The following SLC4A7 variants were observed in gnomAD, a reference collection of about 807,000 sequenced individuals.
SLC4A7 encodes sodium bicarbonate cotransporter 3.
A neutral mutation model predicts 137.6 loss-of-function variants in SLC4A7; 51 were observed. That is an observed-to-expected ratio of 0.37 (90% CI 0.30 to 0.47). SLC4A7 has a LOEUF of 0.47. Ranked by LOEUF, SLC4A7 falls within the 20% of genes least tolerant of loss-of-function variation. SLC4A7 has a pLI of 1.00. For synonymous variants in SLC4A7, 542 were observed against 518.6 expected, an observed-to-expected ratio of 1.05 and a Z score of -0.61; for missense variants, 1,247 against 1,525.4, an observed-to-expected ratio of 0.82 and a Z score of 3.04.
At chr3:27,477,732 A>T (rs551208328) in intron 1 of SLC4A7, among the ~76,000 whole-genome samples, 1 of 152,168 alleles carries the variant, frequency 6.6e-6, no homozygotes, top group Admixed American at 6.5e-5. Context: ...ATCCTGCCTC[A>T]GCCTCCCAAG....
At chr3:27,412,859 T>C (rs2150230594) in intron 11 of SLC4A7, among the ~76,000 whole-genome samples, 1 of 151,738 alleles carries the variant, frequency 6.6e-6, no homozygotes, top group Admixed American at 6.6e-5. Context: ...AATTAAGCAA[T>C]TATATTAAGA....
intron 5 of SLC4A7, among the ~76,000 whole-genome samples, chr3:27,435,854 A>T (rs1159926845): frequency 6.7e-6 from 1 of 149,114 alleles, no homozygotes; most frequent in Non-Finnish European, 1.5e-5. Flanking sequence ...TCCCCCCCTT[A>T]AAAAAAAAAT....
intron 1 of SLC4A7, among the ~76,000 whole-genome samples, chr3:27,455,406 G>A (rs1425075649): frequency 3.3e-5 from 5 of 152,166 alleles, no homozygotes; most frequent in East Asian, 3.9e-4. Context: ...TTTGTATTAA[G>A]TAAAAAGCCG....
Position 27,436,561 on chromosome 3 carries a change from T to C in SLC4A7, c.429-13A>G, listed in dbSNP as rs2056752613. ...AAATTTCAGCCATCTGAATGCATAA[T>C]GTATAAAAATATTTTATAAGTAATG... is the stretch of plus-strand genomic sequence containing the variant. On this transcript the variant is annotated splice_polypyrimidine_tract_variant and intron_variant, in intron 4 of 25. Transcript: ENST00000454389. 1.9e-6 allele frequency: 3 copies of C among 1,546,486 alleles called. No homozygotes were observed. Among genetic ancestry groups the C allele is most frequent in the African/African-American group, 1.4e-5 (1 of 73,048 alleles).
At chr3:27,389,871 TAAA>T in intron 22 of SLC4A7, 57 bp downstream of exon 22, 1 of 1,232,354 alleles carries the variant, frequency 8.1e-7, no homozygotes, top group Non-Finnish European at 1.1e-6. Flanking sequence ...TAAATATTAA[TAAA>T]AAATTACTGT....
chr3:27,381,853 A>G (rs1655521395), intron 24 of SLC4A7, among the ~76,000 whole-genome samples: 1 of 152,158 alleles, frequency 6.6e-6, no homozygotes, highest in South Asian at 2.1e-4. Flanking sequence ...TGGGAGGCCA[A>G]GGCAGGCGGA....
intron 1 of SLC4A7, among the ~76,000 whole-genome samples, chr3:27,480,390 CA>C (rs1330702113): frequency 6.6e-6 from 1 of 152,144 alleles, no homozygotes; most frequent in African/African-American, 2.4e-5. Context: ...AGCACCAACA[CA>C]TATGGGTAAT....
In SLC4A7 at chr3:27,431,436, G is replaced by A. The variant is rs1400095887; in HGVS notation, c.1012C>T (p.Arg338Cys). The change falls in exon 7 of 26, where the codon CGT becomes TGT. Residue 338 changes from arginine (R) to cysteine (C), a missense_variant. Physicochemically the swap from Arg to Cys is radical, Grantham distance 180 (BLOSUM62 -3). Around this residue, in one of 6 missense-constraint regions of SLC4A7, gnomAD observed 223 missense variants for 203.6 expected, o/e 1.10. Transcript: ENST00000454389. Reference sequence around the variant, plus strand: ...GAAACCAGTAGTTCTGGGGCCTGACGCTGACTCTCTTGGGAACTTCTGGAG... The same window carrying A: ...GAAACCAGTAGTTCTGGGGCCTGACACTGACTCTCTTGGGAACTTCTGGAG... ...LTSRSSQESQ[R>C]QAPELLVSPA... is the part of the protein sequence containing the mutation. The A allele has an allele frequency of 4.3e-6, 7 of 1,613,948 alleles. 1 individual carries two copies. The highest frequency in any genetic ancestry group is 2.2e-5 in the South Asian group (2 of 91,070).
chr3:27,424,662 T>G (rs959244121), intron 7 of SLC4A7, among the ~76,000 whole-genome samples: 10 of 152,236 alleles, frequency 6.6e-5, no homozygotes, highest in African/African-American at 2.4e-4. Context: ...TCCTAAAGAC[T>G]TTTCATTTTT....
chr3:27,416,826 T>C (rs1023984965), intron 11 of SLC4A7, among the ~76,000 whole-genome samples: 8 of 152,104 alleles, frequency 5.3e-5, no homozygotes, highest in Non-Finnish European at 1.2e-4. Context: ...AAAAACTTGC[T>C]TGAAATAGAA....
chr3:27,469,885 G>A (rs2059163958), intron 1 of SLC4A7, among the ~76,000 whole-genome samples: 1 of 152,294 alleles, frequency 6.6e-6, no homozygotes. Flanking sequence ...AACTCTTTTA[G>A]AAATAAACAT....
At chr3:27,478,946 C>T (rs1416339741) in intron 1 of SLC4A7, among the ~76,000 whole-genome samples, 6 of 151,018 alleles carry the variant, frequency 4.0e-5, no homozygotes, top group Admixed American at 2.6e-4. Context: ...TGGAGGTTGC[C>T]GTGAGTCGAG....
At chr3:27,451,408 T>C (rs1395555913) in intron 2 of SLC4A7, among the ~76,000 whole-genome samples, 1 of 152,070 alleles carries the variant, frequency 6.6e-6, no homozygotes, top group Non-Finnish European at 1.5e-5. Flanking sequence ...GTCATGTTGA[T>C]ATCATATTGT....
At chr3:27,468,031 C>A (rs748225758) in intron 1 of SLC4A7, among the ~76,000 whole-genome samples, 2 of 152,148 alleles carry the variant, frequency 1.3e-5, no homozygotes, top group Non-Finnish European at 2.9e-5. Flanking sequence ...TCAAGAGATT[C>A]TCCTGCCTCA....
At position 27,425,452 on chromosome 3, in the gene SLC4A7, G is replaced by A. The variant is rs9855783; in HGVS notation, c.1151-1300C>T. On this transcript the variant is annotated intron_variant, in intron 7 of 25. Coordinates refer to ENST00000454389, the MANE Select transcript of SLC4A7 (RefSeq NM_001321103.2). ...AGCACTTTGGAAGGTCAAGGCGGAC[G>A]GATCACCTGAGGCTGGGAGTTCGAG... Among the ~76,000 whole-genome samples the A allele has an allele frequency of 3.6e-3, 537 of 149,706 alleles. 6 individuals are homozygous for A. The highest frequency in any genetic ancestry group is 0.011 in the African/African-American group (433 of 40,652).
intron 24 of SLC4A7, 36 bp from the exon 25 acceptor site, chr3:27,379,392 T>C (rs1246318210): frequency 8.2e-6 from 9 of 1,093,000 alleles, no homozygotes; most frequent in Non-Finnish European, 1.2e-5. Context: ...TAGTATTCAG[T>C]ACTTGCAAAA....
Position 27,484,102 on chromosome 3 carries a change from G to A in SLC4A7, c.25C>T (p.Gln9Ter). 1 of 1,400,636 alleles carries A rather than the reference G, an allele frequency of 7.1e-7. No homozygotes were observed. The highest frequency in any genetic ancestry group is 9.3e-7 in the Non-Finnish European group (1 of 1,072,366). The allele number at this position is 1,400,636 out of a possible 1,614,324, so 86.8% of individuals were successfully genotyped here. A position where few individuals can be genotyped will look rare whatever the true frequency, so the allele number is the denominator to read the frequency against. Residue 9 changes from glutamine to a stop codon, truncating the protein, a stop_gained, in exon 1 of 26, where the codon CAG (glutamine) becomes TAG (stop). Transcript: ENST00000454389. LOFTEE classifies it high-confidence loss of function. MEADGAGE[Q>*]MRPLLTRVTS... ...ACCCGGGTGAGTAGCGGTCTCATCT[G>A]CTCGCCGGCCCCATCAGCCTCCATG...
At chr3:27,427,096 A>G (rs904064114) in intron 7 of SLC4A7, among the ~76,000 whole-genome samples, 6 of 152,144 alleles carry the variant, frequency 3.9e-5, no homozygotes, top group Admixed American at 3.3e-4. Context: ...CCCCCAAGGG[A>G]CTTGTGACAA....
Position 27,391,728 on chromosome 3 carries a change from C to G in SLC4A7, c.3186+12G>C, listed in dbSNP as rs200154476. 2.7e-6 allele frequency: 4 copies of G among 1,471,148 alleles called. No individual in the cohort carries two copies. The highest frequency in any genetic ancestry group is 1.8e-4 in the Middle Eastern group (1 of 5,642). The allele number at this position is 1,471,148 out of a possible 1,614,324, so 91.1% of individuals were successfully genotyped here. A position where few individuals can be genotyped will look rare whatever the true frequency, so the allele number is the denominator to read the frequency against. On this transcript the variant is annotated intron_variant, in intron 21 of 25. Transcript: ENST00000454389. Reference sequence around the variant, plus strand: ...AGTTTCTATAGAAAATCATTAAATACTTAAAACTTGCCTGGATTCCTTTTA... The same window carrying G: ...AGTTTCTATAGAAAATCATTAAATAGTTAAAACTTGCCTGGATTCCTTTTA...
Sources: gnomAD v4.1 joint callset for allele counts (sites outside exome capture counted in the v4.1 genomes callset) on GRCh38, gnomAD v4.1.1 for gene constraint, gnomAD v4.1.1 regional missense constraint, MANE v1.5 for transcripts, NCBI Gene and HGNC (gene_info 2026-07-23, HGNC 2026-07-21) for gene names.